The following PSMB7 variants were observed in gnomAD, a reference collection of about 807,000 sequenced individuals.
PSMB7 encodes the protein proteasome 20S subunit beta 7.
In PSMB7, 5 loss-of-function variants were observed where a neutral mutation model predicts 28.1. The observed-to-expected ratio is 0.18, with a 90% CI of 0.09 to 0.37. The LOEUF (loss-of-function observed/expected upper bound fraction) is 0.37. Ranked by LOEUF, PSMB7 falls within the 10% of genes least tolerant of loss-of-function variation. The probability of loss-of-function intolerance (pLI) is 1.00; values close to 1 mark genes in which losing one functional copy is unlikely to be tolerated. For synonymous variants in PSMB7, 122 were observed against 123.7 expected, an observed-to-expected ratio of 0.99 and a Z score of 0.09; for missense variants, 275 against 346.2, an observed-to-expected ratio of 0.79 and a Z score of 1.63.
intron 6 of PSMB7, chr9:124,384,325 C>T (rs369304650): frequency 2.6e-6 from 1 of 383,560 alleles, no homozygotes; most frequent in Non-Finnish European, 4.6e-6. Context: ...TCCACGTTAC[C>T]ACCGCATTTA....
chr9:124,401,071 T>C (rs890859313), intron 5 of PSMB7, among the ~76,000 whole-genome samples: 8 of 152,122 alleles, frequency 5.3e-5, no homozygotes, highest in Non-Finnish European at 1.2e-4. Flanking sequence ...GGTAACTAGA[T>C]GACAGAGAAG....
intron 7 of PSMB7, among the ~76,000 whole-genome samples, chr9:124,355,050 G>A (rs1032960738): frequency 3.9e-5 from 6 of 152,226 alleles, no homozygotes; most frequent in East Asian, 1.9e-4. Context: ...CAGGCCTATC[G>A]CCCTGCCCGC....
At chr9:124,385,838 G>A (rs1024907771) in intron 5 of PSMB7, among the ~76,000 whole-genome samples, 2 of 152,172 alleles carry the variant, frequency 1.3e-5, no homozygotes, top group Admixed American at 6.5e-5. Context: ...ACGCCGCATT[G>A]AGAAAATACA....
rs567505499 is a variant in PSMB7 at position 124,400,069 on chromosome 9, T to A, written c.511+5248A>T. On this transcript the variant is annotated intron_variant, in intron 5 of 7. Coordinates refer to ENST00000259457, the MANE Select transcript of PSMB7 (RefSeq NM_002799.4). ...ATCCCTCTTCCACCCTCCCCATCTT[T>A]GCTTCTGCTGCACCCCCTGCATGGG... Among the ~76,000 whole-genome samples, 431 of 152,220 alleles carry A rather than the reference T, an allele frequency of 2.8e-3. 1 individual carries two copies. The highest frequency in any genetic ancestry group is 4.0e-3 in the Non-Finnish European group (270 of 67,996).
intron 6 of PSMB7, among the ~76,000 whole-genome samples, chr9:124,361,036 A>G (rs1240277624): frequency 6.6e-6 from 1 of 152,224 alleles, no homozygotes; most frequent in African/African-American, 2.4e-5. Flanking sequence ...CCTGCTGACA[A>G]ATCTTCACAC....
intron 6 of PSMB7, among the ~76,000 whole-genome samples, chr9:124,379,390 C>A (rs1425975027): frequency 6.6e-6 from 1 of 152,182 alleles, no homozygotes; most frequent in Non-Finnish European, 1.5e-5. Context: ...ATAGAAACGA[C>A]CAGGTGTACG....
chr9:124,411,994 A>G (rs1353693345), intron 4 of PSMB7, among the ~76,000 whole-genome samples: 1 of 152,122 alleles, frequency 6.6e-6, no homozygotes, highest in Admixed American at 6.5e-5. Context: ...AGAGACAATC[A>G]TTTGGGTTTG....
intron 6 of PSMB7, among the ~76,000 whole-genome samples, chr9:124,358,401 C>T (rs531082392): frequency 7.3e-4 from 111 of 152,286 alleles, no homozygotes; most frequent in Non-Finnish European, 2.6e-4. Flanking sequence ...TTCACTCTCA[C>T]GTGACATCTA....
chr9:124,412,591 G>C (rs943300282), intron 3 of PSMB7, 99 bp from the exon 4 acceptor site: 1 of 1,289,766 alleles, frequency 7.8e-7, no homozygotes, highest in Non-Finnish European at 1.1e-6. Flanking sequence ...TTCAGGTACA[G>C]AGAGATGTTT....
At chr9:124,372,683 T>A (rs980579254) in intron 6 of PSMB7, among the ~76,000 whole-genome samples, 4 of 152,202 alleles carry the variant, frequency 2.6e-5, no homozygotes, top group Admixed American at 1.3e-4. Flanking sequence ...AACTTTGACT[T>A]TTAATAAAGG....
intron 5 of PSMB7, among the ~76,000 whole-genome samples, chr9:124,393,030 T>G (rs1830806159): frequency 6.6e-6 from 1 of 152,180 alleles, no homozygotes; most frequent in Non-Finnish European, 1.5e-5. Flanking sequence ...AATTTGGTGC[T>G]TTCCACAGAC....
Position 124,356,090 on chromosome 9 carries a change from G to A in PSMB7, c.722+674C>T, listed in dbSNP as rs1488476048. ...CTGACCTGCCCGGGCTCCCAGAAGAGGTCAGGAGCCACAGGATGGTCAAGC... is the reference window on the plus strand; with the variant it reads ...CTGACCTGCCCGGGCTCCCAGAAGAAGTCAGGAGCCACAGGATGGTCAAGC... On this transcript the variant is annotated intron_variant, in intron 7 of 7. Coordinates refer to ENST00000259457, the MANE Select transcript of PSMB7 (RefSeq NM_002799.4). The surrounding 1 kb of genome is among the most constrained non-coding windows in gnomAD (Gnocchi z 4.4). Among the ~76,000 whole-genome samples, 1 of 152,160 alleles carries A rather than the reference G, an allele frequency of 6.6e-6. No individual in the cohort carries two copies. Among genetic ancestry groups the A allele is most frequent in the Non-Finnish European group, 1.5e-5 (1 of 68,032 alleles).
At chr9:124,410,270 A>G (rs961239240) in intron 4 of PSMB7, among the ~76,000 whole-genome samples, 3 of 152,024 alleles carry the variant, frequency 2.0e-5, no homozygotes. Context: ...CTGAGATTAC[A>G]GGCATGAGCC....
At position 124,356,808 on chromosome 9, in the gene PSMB7, C is replaced by A. The variant is rs1830412377; in HGVS notation, c.678G>T (p.Leu226=). ...GCACTGTGTATGGGCGGAGAAAATC[C>A]AGCTTGTTCTTGCTGATGACGCAGA... The part of the protein sequence containing the change: ...IDLCVISKNK[L]DFLRPYTVPN... The change falls in exon 7 of 8, where the codon CTG becomes CTT. Residue 226 remains leucine, a synonymous_variant. Coordinates refer to ENST00000259457, the MANE Select transcript of PSMB7 (RefSeq NM_002799.4). The surrounding 1 kb of genome is among the most constrained non-coding windows in gnomAD (Gnocchi z 4.4). 6.2e-7 allele frequency: 1 copy of A among 1,614,144 alleles called. No individual in the cohort carries two copies. Among genetic ancestry groups the A allele is most frequent in the Non-Finnish European group, 8.5e-7 (1 of 1,180,010 alleles).
At chr9:124,399,879 C>G (rs1362903902) in intron 5 of PSMB7, among the ~76,000 whole-genome samples, 1 of 152,220 alleles carries the variant, frequency 6.6e-6, no homozygotes, top group Non-Finnish European at 1.5e-5. Context: ...CACTGCTCCC[C>G]ACAGCTGTCA....
intron 6 of PSMB7, among the ~76,000 whole-genome samples, chr9:124,382,824 A>G (rs1223293351): frequency 1.3e-5 from 2 of 152,236 alleles, no homozygotes; most frequent in Non-Finnish European, 2.9e-5. Context: ...CAAACTCTAA[A>G]TAAGGTAAAA....
At chr9:124,379,500 G>A (rs1830644099) in intron 6 of PSMB7, among the ~76,000 whole-genome samples, 1 of 152,146 alleles carries the variant, frequency 6.6e-6, no homozygotes. Flanking sequence ...GCCAAAACTG[G>A]GTGAGACTTT....
intron 5 of PSMB7, among the ~76,000 whole-genome samples, chr9:124,402,513 A>G (rs938467888): frequency 1.3e-5 from 2 of 152,316 alleles, no homozygotes; most frequent in East Asian, 3.9e-4. Context: ...CAGAGGTGAA[A>G]GGCTGTGGTG....
chr9:124,361,752 C>G (rs1830466983), intron 6 of PSMB7, among the ~76,000 whole-genome samples: 1 of 152,212 alleles, frequency 6.6e-6, no homozygotes, highest in South Asian at 2.1e-4. Context: ...TGTATTAAAT[C>G]TTTACTTTAA....
Sources: gnomAD v4.1 joint callset for allele counts (sites outside exome capture counted in the v4.1 genomes callset) on GRCh38, gnomAD v4.1.1 for gene constraint, Gnocchi (gnomAD v3.1) non-coding constraint, MANE v1.5 for transcripts, NCBI Gene and HGNC (gene_info 2026-07-23, HGNC 2026-07-21) for gene names.